The following RYR2 variants were observed in gnomAD, a reference collection of about 807,000 sequenced individuals.
RYR2 encodes cardiac muscle ryanodine receptor-calcium release channel.
RYR2 carries 227 observed loss-of-function variants against 601.1 expected under a neutral mutation model. The observed-to-expected ratio is 0.38, with a 90% confidence interval of 0.34 to 0.42. The LOEUF (loss-of-function observed/expected upper bound fraction) is 0.42, where lower values mean the gene tolerates loss of function less well. Among genes scored for constraint, RYR2 ranks in the 10% least tolerant of loss-of-function variants. RYR2 has a pLI of 1.00. For missense variants in RYR2, 4,646 were observed against 6,156.5 expected (o/e 0.75, Z 8.21); for synonymous variants, 2,223 against 2,175.1 (o/e 1.02, Z -0.61).
intron 64 of RYR2, among the ~76,000 whole-genome samples, chr1:237,699,960 C>T (rs1043207231): frequency 2.6e-5 from 4 of 152,180 alleles, no homozygotes; most frequent in African/African-American, 4.8e-5. Flanking sequence ...AATTGGAGAC[C>T]GTTAGTGATA....
At chr1:237,746,810 A>G (rs1692118349) in intron 80 of RYR2, among the ~76,000 whole-genome samples, 1 of 152,192 alleles carries the variant, frequency 6.6e-6, no homozygotes, top group Admixed American at 6.5e-5. Flanking sequence ...AAAAATAATT[A>G]TTGGAGTTGA....
intron 12 of RYR2, among the ~76,000 whole-genome samples, chr1:237,424,578 C>T (rs985650930): frequency 6.6e-6 from 1 of 152,128 alleles, no homozygotes; most frequent in East Asian, 1.9e-4. Context: ...AGTAGAACTA[C>T]AATACATGCA....
At chr1:237,588,952 C>T (rs185523216) in intron 29 of RYR2, among the ~76,000 whole-genome samples, 1 of 151,956 alleles carries the variant, frequency 6.6e-6, no homozygotes, top group South Asian at 2.1e-4. Context: ...CCAATCAATT[C>T]CAAAGAGCTC....
intron 38 of RYR2, among the ~76,000 whole-genome samples, chr1:237,622,201 G>A (rs1314833976): frequency 1.8e-4 from 28 of 152,058 alleles, no homozygotes; most frequent in South Asian, 2.1e-4. Flanking sequence ...TTTCTCTTCC[G>A]AATTTATAAA....
At chr1:237,403,822 T>C (rs1703612534) in intron 10 of RYR2, among the ~76,000 whole-genome samples, 2 of 152,100 alleles carry the variant, frequency 1.3e-5, no homozygotes, top group African/African-American at 4.8e-5. Context: ...AAGAAAACTA[T>C]CTCATATGTA....
intron 16 of RYR2, among the ~76,000 whole-genome samples, chr1:237,467,405 C>A (rs926220734): frequency 3.9e-5 from 6 of 152,032 alleles, no homozygotes; most frequent in African/African-American, 1.2e-4. Flanking sequence ...GATATTCTTA[C>A]AGAATAAAAT....
rs757350594 is a variant in RYR2, at chr1:237,634,972, C to T, written c.6772C>T (p.Arg2258Cys). The change falls in exon 44 of 105, where the codon CGT (arginine) becomes TGT (cysteine). Residue 2258 changes from arginine (R) to cysteine (C), a missense_variant. By Grantham distance (180) the Arg-to-Cys change is radical. Transcript: ENST00000366574. ...MDNNELALAL[R>C]EPDLEKVVRY... Reference sequence around the variant, plus strand: ...TAATAATGAACTAGCATTAGCTCTGCGTGAGCCGGATCTAGAAAAGGTGAG... The same window carrying T: ...TAATAATGAACTAGCATTAGCTCTGTGTGAGCCGGATCTAGAAAAGGTGAG... 1.1e-5 allele frequency: 18 copies of T among 1,599,152 alleles called. No homozygotes were observed. The highest frequency in any genetic ancestry group is 3.4e-5 in the Admixed American group (2 of 58,302).
chr1:237,701,455 T>A lies in RYR2; in HGVS notation c.9368-523T>A, dbSNP rs144509817. ...CTGAGACAAGATAATCACTTGAACC[T>A]ATGTGGTGGAGGTTGCAGTGAGCCA... On this transcript the variant is annotated intron_variant, in intron 65 of 104. Transcript: ENST00000366574. Among the ~76,000 whole-genome samples the A allele has an allele frequency of 3.4e-4, 51 of 152,084 alleles. No individual in the cohort carries two copies. In the East Asian group the frequency reaches 5.0e-3, roughly 15 times the overall value.
chr1:237,262,245 G>GTTGTTTTTT (rs1688599609), intron 1 of RYR2, among the ~76,000 whole-genome samples: 3 of 61,106 alleles, frequency 4.9e-5, no homozygotes, highest in Non-Finnish European at 8.5e-5. Flanking sequence ...GTTCTAAAGA[G>GTTGTTTTTT]TTTTTTTTTT....
intron 98 of RYR2, among the ~76,000 whole-genome samples, chr1:237,804,675 T>G (rs576222021): frequency 6.6e-5 from 10 of 152,096 alleles, no homozygotes; most frequent in Non-Finnish European, 1.2e-4. Flanking sequence ...ACCAATAGTA[T>G]TATTAGGTGT....
chr1:237,757,764 C>G lies in RYR2; in HGVS notation c.11313C>G (p.Ser3771=). 6.2e-7 allele frequency: 1 copy of G among 1,603,356 alleles called. No individual in the cohort carries two copies. The highest frequency in any genetic ancestry group is 8.5e-7 in the Non-Finnish European group (1 of 1,170,372). The part of the protein sequence containing the change: ...LGIAILNGGN[S]TVQQKMLDYL... ...TTGCTATTTTAAATGGTGGGAACTC[C>G]ACAGTACAGCAGGTAACAGCTTCCA... Residue 3771 remains serine, a synonymous_variant, in exon 82 of 105, where the codon TCC becomes TCG. Coordinates refer to ENST00000366574, the MANE Select transcript of RYR2 (RefSeq NM_001035.3).
chr1:237,703,397 C>G (rs1016015116), intron 66 of RYR2, among the ~76,000 whole-genome samples: 1 of 150,978 alleles, frequency 6.6e-6, no homozygotes, highest in African/African-American at 2.4e-5. Context: ...TCATGTTTAC[C>G]TTGTCATTTG....
intron 1 of RYR2, among the ~76,000 whole-genome samples, chr1:237,146,173 A>T (rs1022745676): frequency 2.0e-5 from 3 of 152,214 alleles, no homozygotes; most frequent in Non-Finnish European, 2.9e-5. Flanking sequence ...GCTCTTTAGA[A>T]GGGGTGGGGA....
chr1:237,353,465 C>T (rs1699037559), intron 3 of RYR2, among the ~76,000 whole-genome samples: 1 of 144,806 alleles, frequency 6.9e-6, no homozygotes, highest in African/African-American at 2.6e-5. Flanking sequence ...GCCGAGATTT[C>T]ACCACTGCAT....
At chr1:237,331,819 A>AT (rs1696777480) in intron 3 of RYR2, among the ~76,000 whole-genome samples, 1 of 151,858 alleles carries the variant, frequency 6.6e-6, no homozygotes, top group African/African-American at 2.4e-5. Context: ...CAGCCCTGAA[A>AT]TTGTTATGTG....
At chr1:237,298,989 C>T (rs900403876) in intron 2 of RYR2, among the ~76,000 whole-genome samples, 1 of 152,134 alleles carries the variant, frequency 6.6e-6, no homozygotes, top group Admixed American at 6.5e-5. Context: ...GTGAGACTCC[C>T]CTCTCTAAAA....
intron 1 of RYR2, among the ~76,000 whole-genome samples, chr1:237,260,605 G>T (rs1259299409): frequency 6.6e-6 from 1 of 152,116 alleles, no homozygotes; most frequent in Non-Finnish European, 1.5e-5. Context: ...GACCAAGGTG[G>T]GCAGATCGCT....
chr1:237,666,010 A>G (rs1573418412), intron 56 of RYR2, among the ~76,000 whole-genome samples: 1 of 152,220 alleles, frequency 6.6e-6, no homozygotes, highest in African/African-American at 2.4e-5. Context: ...GCTTTAATTC[A>G]GAAATTAAAG....
In RYR2 at chr1:237,484,789, G is replaced by A. The variant is rs1662498261; in HGVS notation, c.1709-7017G>A. 2.6e-5 allele frequency among the ~76,000 whole-genome samples: 4 copies of A among 151,994 alleles called. No homozygotes were observed. In the South Asian group the frequency reaches 6.2e-4, roughly 24 times the overall value. The stretch of plus-strand genomic sequence containing the variant: ...AAGTCTATCAGTAAAAAGCAAACAG[G>A]ACCACTTTTTTTTGGTTACAAAAAA... On this transcript the variant is annotated intron_variant, in intron 17 of 104. Coordinates refer to ENST00000366574, the MANE Select transcript of RYR2 (RefSeq NM_001035.3).
Sources: allele counts gnomAD v4.1 joint callset (sites outside exome capture counted in the v4.1 genomes callset), GRCh38; gene constraint gnomAD v4.1.1; transcripts MANE v1.5; gene names NCBI Gene and HGNC (gene_info 2026-07-23, HGNC 2026-07-21).